Variants in C12orf60 observed in about 807,000 individuals in gnomAD.
The protein encoded by C12orf60 is chromosome 12 open reading frame 60.
For missense variants in C12orf60, 284 were observed against 283.2 expected (o/e 1.00, Z -0.02); for synonymous variants, 102 against 94.6 (o/e 1.08, Z -0.45).
In C12orf60 at chr12:14,823,369, A is replaced by C. The variant is rs777301453; in HGVS notation, c.434A>C (p.Lys145Thr). 6.2e-7 allele frequency: 1 copy of C among 1,614,076 alleles called. No homozygotes were observed. Among genetic ancestry groups the C allele is most frequent in the Admixed American group, 1.7e-5 (1 of 60,016 alleles). Residue 145 changes from lysine to threonine, a missense_variant, in exon 2 of 2, where the codon AAA becomes ACA. By Grantham distance (78) the Lys-to-Thr change is moderately conservative. Coordinates refer to ENST00000330828, the MANE Select transcript of C12orf60 (RefSeq NM_175874.4). ...SLESSLSHLMKFPIMNLQLSD... is the reference protein window; with the variant it reads ...SLESSLSHLMTFPIMNLQLSD... ...GAATCTTCTCTTTCACACTTGATGA[A>C]ATTCCCCATCATGAATCTTCAATTA...
In C12orf60 at chr12:14,803,726, A is replaced by G. The variant is rs1419444092; in HGVS notation, c.-50A>G. 1 of 376,522 alleles carries G rather than the reference A, an allele frequency of 2.7e-6. No homozygotes were observed. Among genetic ancestry groups the G allele is most frequent in the African/African-American group, 2.1e-5 (1 of 48,202 alleles). 23.3% of individuals were successfully genotyped at this position (376,522 alleles called of 1,614,324 possible). On this transcript the variant is annotated 5_prime_UTR_variant, in exon 1 of 2. Coordinates refer to ENST00000330828, the MANE Select transcript of C12orf60 (RefSeq NM_175874.4). ...CGGTCCTGTCTCTCGAGTTGGAGGCATCTTGACTTAGTTGCTGGGAGCCTG... is the reference window on the plus strand; with the variant it reads ...CGGTCCTGTCTCTCGAGTTGGAGGCGTCTTGACTTAGTTGCTGGGAGCCTG...
chr12:14,812,309 T>A (rs996447520), intron 1 of C12orf60, among the ~76,000 whole-genome samples: 6 of 152,140 alleles, frequency 3.9e-5, no homozygotes, highest in South Asian at 2.1e-4. Context: ...CCGGGCGCGG[T>A]GGCGGGCGCC....
At chr12:14,816,286 G>C (rs571889418) in intron 1 of C12orf60, among the ~76,000 whole-genome samples, 1 of 152,058 alleles carries the variant, frequency 6.6e-6, no homozygotes, top group African/African-American at 2.4e-5. Context: ...TCACTTGATC[G>C]TCTTTTATTT....
intron 1 of C12orf60, among the ~76,000 whole-genome samples, chr12:14,814,342 A>G (rs1340059083): frequency 6.6e-6 from 1 of 152,202 alleles, no homozygotes; most frequent in Non-Finnish European, 1.5e-5. Context: ...AAAACTTAGT[A>G]TACAGTATTA....
Position 14,806,595 on chromosome 12 carries a change from A to G in C12orf60, c.-25+2844A>G, listed in dbSNP as rs769220421. 1 of 1,614,166 alleles carries G rather than the reference A, an allele frequency of 6.2e-7. No homozygotes were observed. The highest frequency in any genetic ancestry group is 1.7e-5 in the Admixed American group (1 of 60,028). On this transcript the variant is annotated intron_variant, in intron 1 of 1. Transcript: ENST00000330828. The stretch of plus-strand genomic sequence containing the variant: ...ATTGGTGACATCGAAGCTGTCAGAT[A>G]AGCAATCAAGAAGCTGCTGGTGAAG...
At chr12:14,814,870 G>C (rs191867965) in intron 1 of C12orf60, among the ~76,000 whole-genome samples, 1 of 152,272 alleles carries the variant, frequency 6.6e-6, no homozygotes, top group East Asian at 1.9e-4. Context: ...CTTAGTGAAA[G>C]ACAGCAGGCT....
intron 1 of C12orf60, chr12:14,806,537 C>T: frequency 3.1e-6 from 5 of 1,614,078 alleles, no homozygotes; most frequent in Non-Finnish European, 4.2e-6. Context: ...CCAGCCTGCA[C>T]CCCAAGTGCA....
chr12:14,823,786 T>C lies in C12orf60; in HGVS notation c.*113T>C. 1.1e-6 allele frequency: 1 copy of C among 937,590 alleles called. No individual in the cohort carries two copies. The highest frequency in any genetic ancestry group is 3.3e-5 in the South Asian group (1 of 30,020). The allele number at this position is 937,590 out of a possible 1,614,324, so 58.1% of individuals were successfully genotyped here. ...AACATGTGCTATGTTAGAACATAAG[T>C]ACACAAAAGTCATCTGGCAAAACAT... is the stretch of plus-strand genomic sequence containing the variant. On this transcript the variant is annotated 3_prime_UTR_variant, in exon 2 of 2. Coordinates refer to ENST00000330828, the MANE Select transcript of C12orf60 (RefSeq NM_175874.4).
Position 14,823,172 on chromosome 12 carries a change from C to T in C12orf60, c.237C>T (p.Asp79=). ...AATCTGTAGTGGATGCAAGACATGACAAAATTCAAAAGGAGTCTTTATGTT... is the reference window on the plus strand; with the variant it reads ...AATCTGTAGTGGATGCAAGACATGATAAAATTCAAAAGGAGTCTTTATGTT... ...EMQSVVDARH[D]KIQKESLCSK... is the part of the protein sequence containing the mutation. The change falls in exon 2 of 2, where the codon GAC becomes GAT. Residue 79 remains aspartate (D), a synonymous_variant. Transcript: ENST00000330828. 6.2e-7 allele frequency: 1 copy of T among 1,614,080 alleles called. No individual in the cohort carries two copies. The highest frequency in any genetic ancestry group is 8.5e-7 in the Non-Finnish European group (1 of 1,180,014).
At position 14,823,432 on chromosome 12, in the gene C12orf60, A is replaced by G. The variant is rs367639650; in HGVS notation, c.497A>G (p.Asp166Gly). 1.2e-6 allele frequency: 2 copies of G among 1,613,876 alleles called. No individual in the cohort carries two copies. Among genetic ancestry groups the G allele is most frequent in the African/African-American group, 2.7e-5 (2 of 74,896 alleles). The change falls in exon 2 of 2, where the codon GAT (aspartate) becomes GGT (glycine). Residue 166 changes from aspartate to glycine, a missense_variant. By Grantham distance (94) the Asp-to-Gly change is moderately conservative. Coordinates refer to ENST00000330828, the MANE Select transcript of C12orf60 (RefSeq NM_175874.4). Reference sequence around the variant, plus strand: ...ACAGAAGACACCAAAGAGCAATCAGATGTCACCACATCTGAGAGAACCAGA... The same window carrying G: ...ACAGAAGACACCAAAGAGCAATCAGGTGTCACCACATCTGAGAGAACCAGA... ...FYTEDTKEQS[D>G]VTTSERTRSP...
At chr12:14,816,362 A>C (rs998246283) in intron 1 of C12orf60, among the ~76,000 whole-genome samples, 1 of 152,276 alleles carries the variant, frequency 6.6e-6, no homozygotes, top group South Asian at 2.1e-4. Context: ...CTCTGCTCAA[A>C]AACCATATAT....
chr12:14,806,030 G>T (rs777497549), intron 1 of C12orf60: 4 of 1,613,524 alleles, frequency 2.5e-6, no homozygotes, highest in Non-Finnish European at 2.5e-6. Context: ...TCACTGTATT[G>T]ATGACCTCAG....
At chr12:14,806,858 G>T (rs988597757) in intron 1 of C12orf60, among the ~76,000 whole-genome samples, 1 of 152,156 alleles carries the variant, frequency 6.6e-6, no homozygotes, top group African/African-American at 2.4e-5. Flanking sequence ...AAAAGAGGGA[G>T]TATCGCTGTG....
In C12orf60 at chr12:14,823,913, G is replaced by T; in HGVS notation, c.*240G>T. 3.3e-6 allele frequency: 1 copy of T among 305,800 alleles called. No individual in the cohort carries two copies. The highest frequency in any genetic ancestry group is 6.1e-6 in the Non-Finnish European group (1 of 164,572). The allele number at this position is 305,800 out of a possible 1,614,324, so 18.9% of individuals were successfully genotyped here. A position where few individuals can be genotyped will look rare whatever the true frequency, so the allele number is the denominator to read the frequency against. On this transcript the variant is annotated 3_prime_UTR_variant, in exon 2 of 2. Transcript: ENST00000330828. ...AATATATTGTTGAAAAAAACAAAGT[G>T]GTATTACATTTGAGGATGTTTCTAA...
chr12:14,810,808 T>C (rs1466989976), intron 1 of C12orf60, among the ~76,000 whole-genome samples: 4 of 152,186 alleles, frequency 2.6e-5, no homozygotes, highest in Non-Finnish European at 4.4e-5. Flanking sequence ...TGCAGTATTT[T>C]CGCTATTGCC....
intron 1 of C12orf60, among the ~76,000 whole-genome samples, chr12:14,816,118 C>A (rs1474188480): frequency 1.3e-5 from 2 of 152,064 alleles, no homozygotes; most frequent in Non-Finnish European, 2.9e-5. Context: ...CAGAACTGAA[C>A]CTTAGGAAGG....
In C12orf60 at chr12:14,823,204, T is replaced by A; in HGVS notation, c.269T>A (p.Val90Asp). 6.2e-7 allele frequency: 1 copy of A among 1,614,174 alleles called. No individual in the cohort carries two copies. Among genetic ancestry groups the A allele is most frequent in the African/African-American group, 1.3e-5 (1 of 75,054 alleles). Residue 90 changes from valine (V) to aspartate (D), a missense_variant, in exon 2 of 2, where the codon GTT (valine) becomes GAT (aspartate). Val to Asp is a radical substitution (Grantham distance 152, BLOSUM62 -3). Transcript: ENST00000330828. ...CAAAAGGAGTCTTTATGTTCCAAGGTTGCAATGGCCATGTGCTCTGTGGTT... is the reference window on the plus strand; with the variant it reads ...CAAAAGGAGTCTTTATGTTCCAAGGATGCAATGGCCATGTGCTCTGTGGTT... ...KIQKESLCSK[V>D]AMAMCSVVQK... is the part of the protein sequence containing the mutation.
intron 1 of C12orf60, among the ~76,000 whole-genome samples, chr12:14,809,798 A>G (rs1950108367): frequency 6.6e-6 from 1 of 152,212 alleles, no homozygotes; most frequent in Non-Finnish European, 1.5e-5. Flanking sequence ...AGAATGCAAA[A>G]AAAGTATTGT....
chr12:14,806,721 T>C lies in C12orf60; in HGVS notation c.-25+2970T>C, dbSNP rs750301749. On this transcript the variant is annotated intron_variant, in intron 1 of 1. Transcript: ENST00000330828. ...GCTGAAAAATAAAATGGTAAATTTT[T>C]ACTGAAAGTCTTAAAAAATGTCTGC... 3.3e-6 allele frequency: 5 copies of C among 1,535,280 alleles called. No homozygotes were observed. In the Admixed American group the frequency reaches 1.1e-4, roughly 33 times the overall value.
Sources: gnomAD v4.1 joint callset for allele counts (sites outside exome capture counted in the v4.1 genomes callset) on GRCh38, gnomAD v4.1.1 for gene constraint, MANE v1.5 for transcripts, NCBI Gene and HGNC (gene_info 2026-07-23, HGNC 2026-07-21) for gene names.